PDE1A: variants seen among roughly 807,000 people sequenced by gnomAD.
The protein encoded by PDE1A is phosphodiesterase 1A.
PDE1A carries 35 observed loss-of-function variants against 61.7 expected under a neutral mutation model. That is an observed-to-expected ratio of 0.57 (90% CI 0.43 to 0.75). The LOEUF is 0.75. Ranked by LOEUF, PDE1A falls within the 30% of genes least tolerant of loss-of-function variation. The pLI is 0.00. For missense variants in PDE1A, 597 were observed against 630.6 expected, an observed-to-expected ratio of 0.95 and a Z score of 0.57; for synonymous variants, 232 against 213.2, an observed-to-expected ratio of 1.09 and a Z score of -0.77.
At chr2:182,282,731 T>C (rs1196655352) in intron 1 of PDE1A, among the ~76,000 whole-genome samples, 1 of 152,080 alleles carries the variant, frequency 6.6e-6, no homozygotes, top group African/African-American at 2.4e-5. Context: ...TTATAAATGA[T>C]TGACCCAATA....
intron 1 of PDE1A, among the ~76,000 whole-genome samples, chr2:182,405,440 G>A (rs570361157): frequency 2.0e-5 from 3 of 152,192 alleles, no homozygotes; most frequent in East Asian, 1.9e-4. Flanking sequence ...TTTATCAAGC[G>A]GTCCTGACAT....
chr2:182,682,233 A>G, the PDE1A span, among the ~76,000 whole-genome samples: 206 of 152,308 alleles, frequency 1.4e-3, no homozygotes, highest in African/African-American at 4.7e-3. Flanking sequence ...CACTGAGATG[A>G]GCATTGCCTG....
chr2:182,144,333 A>G (rs1033947448), downstream of PDE1A, among the ~76,000 whole-genome samples: 1 of 152,256 alleles, frequency 6.6e-6, no homozygotes, highest in African/African-American at 2.4e-5. Flanking sequence ...TTTAAATAAT[A>G]AAGCAGCCTG....
chr2:182,679,342 C>T, the PDE1A span, among the ~76,000 whole-genome samples: 4 of 148,744 alleles, frequency 2.7e-5, no homozygotes, highest in Admixed American at 2.7e-4. Context: ...CGCCACCATG[C>T]TCAGCTAATT....
intron 13 of PDE1A, among the ~76,000 whole-genome samples, chr2:182,156,522 C>A (rs187228277): frequency 1.3e-5 from 2 of 151,954 alleles, no homozygotes; most frequent in Non-Finnish European, 2.9e-5. Flanking sequence ...CATTCCTAGT[C>A]ATCTGGAAAA....
chr2:182,322,368 G>A (rs1216710171), intron 1 of PDE1A, among the ~76,000 whole-genome samples: 1 of 152,100 alleles, frequency 6.6e-6, no homozygotes, highest in Non-Finnish European at 1.5e-5. Context: ...CCAGTGGGAG[G>A]TAATTGAATC....
intron 2 of PDE1A, among the ~76,000 whole-genome samples, chr2:182,468,239 T>C (rs574644232): frequency 1.3e-5 from 2 of 152,136 alleles, no homozygotes; most frequent in East Asian, 1.9e-4. Flanking sequence ...TGACTGACAG[T>C]AGAACTTCTT....
the PDE1A span, among the ~76,000 whole-genome samples, chr2:182,699,915 C>T: frequency 1.3e-5 from 2 of 152,298 alleles, no homozygotes; most frequent in East Asian, 3.9e-4. Context: ...AGGATTCCAA[C>T]CAGGCCTGCC....
chr2:182,146,695 G>T (rs184987623), downstream of PDE1A, among the ~76,000 whole-genome samples: 1,091 of 152,002 alleles, frequency 7.2e-3, 11 homozygotes, highest in South Asian at 0.018. Flanking sequence ...TATGTTGGCC[G>T]GGCTGGTCTC....
rs996141869 is a variant in PDE1A at position 182,223,773 on chromosome 2, T to G, written c.776+91A>C. On this transcript the variant is annotated intron_variant, in intron 7 of 13. Coordinates refer to ENST00000351439, the Ensembl canonical transcript of PDE1A. ...AATTAAACCTGTTCTTATTAGAATC[T>G]TTATTATTTTTTAAAAATCCTCTTA... The G allele has an allele frequency of 8.5e-6, 6 of 709,886 alleles. No individual in the cohort carries two copies. The African/African-American group carries it at 1.1e-4, about 13-fold the overall frequency. 44.0% of individuals were successfully genotyped at this position (709,886 alleles called of 1,614,324 possible).
At chr2:182,321,768 T>C (rs1464747168) in intron 1 of PDE1A, among the ~76,000 whole-genome samples, 2 of 152,180 alleles carry the variant, frequency 1.3e-5, no homozygotes, top group Non-Finnish European at 2.9e-5. Context: ...CTGAAAGTTG[T>C]ACAAACCTTC....
intron 13 of PDE1A, among the ~76,000 whole-genome samples, chr2:182,181,543 T>C (rs1248560627): frequency 2.0e-5 from 3 of 152,212 alleles, no homozygotes; most frequent in Non-Finnish European, 4.4e-5. Flanking sequence ...GTCAGGAACC[T>C]GCTTGAGGAG....
intron 1 of PDE1A, among the ~76,000 whole-genome samples, chr2:182,316,870 A>G (rs1209812424): frequency 6.6e-6 from 1 of 152,204 alleles, no homozygotes; most frequent in African/African-American, 2.4e-5. Flanking sequence ...TATTAAGTAA[A>G]GAAAATCTGC....
At chr2:182,277,892 G>C (rs1693542549) in intron 1 of PDE1A, among the ~76,000 whole-genome samples, 1 of 151,994 alleles carries the variant, frequency 6.6e-6, no homozygotes, top group South Asian at 2.1e-4. Context: ...GGCTCACACT[G>C]TCACTTGGTC....
chr2:182,553,458 G>A, the PDE1A span, among the ~76,000 whole-genome samples: 1 of 152,228 alleles, frequency 6.6e-6, no homozygotes, highest in African/African-American at 2.4e-5. Context: ...TCGAGCTCCT[G>A]ACCTCAGGTG....
At chr2:182,509,681 C>T (rs944606078) in intron 2 of PDE1A, among the ~76,000 whole-genome samples, 4 of 152,084 alleles carry the variant, frequency 2.6e-5, no homozygotes, top group Non-Finnish European at 4.4e-5. Flanking sequence ...CAGAAAGTAA[C>T]AGGCAGAAAA....
At chr2:182,341,785 C>A (rs1234705503) in intron 1 of PDE1A, among the ~76,000 whole-genome samples, 2 of 152,096 alleles carry the variant, frequency 1.3e-5, no homozygotes, top group Non-Finnish European at 2.9e-5. Flanking sequence ...GAGATAGGGT[C>A]TTTCTCTGCC....
At chr2:182,703,101 T>C in the PDE1A span, among the ~76,000 whole-genome samples, 1 of 152,202 alleles carries the variant, frequency 6.6e-6, no homozygotes, top group Admixed American at 6.5e-5. Context: ...TCTAGATAAC[T>C]TAATGAAAGC....
intron 7 of PDE1A, among the ~76,000 whole-genome samples, chr2:182,222,609 A>C (rs1170658438): frequency 1.3e-5 from 2 of 152,054 alleles, no homozygotes; most frequent in African/African-American, 4.8e-5. Flanking sequence ...CACCAGTGTA[A>C]GATGTTAATA....
Sources: allele counts gnomAD v4.1 joint callset (sites outside exome capture counted in the v4.1 genomes callset), GRCh38; gene constraint gnomAD v4.1.1; transcripts MANE v1.5; gene names NCBI Gene and HGNC (gene_info 2026-07-23, HGNC 2026-07-21).